PHLPP2: variants seen among roughly 807,000 people sequenced by gnomAD.
PHLPP2 encodes PH domain and leucine rich repeat protein phosphatase 2.
PHLPP2 carries 66 observed loss-of-function variants against 124.9 expected under a neutral mutation model. The observed-to-expected ratio is 0.53, with a 90% CI of 0.43 to 0.65. PHLPP2 has a LOEUF of 0.65. Among genes scored for constraint, PHLPP2 ranks in the 30% least tolerant of loss-of-function variants. The pLI is 0.00. For synonymous variants in PHLPP2, 681 were observed against 624.7 expected, an observed-to-expected ratio of 1.09 and a Z score of -1.34; for missense variants, 1,685 against 1,600.4, an observed-to-expected ratio of 1.05 and a Z score of -0.90.
At chr16:71,672,179 C>G (rs1207510972) in intron 10 of PHLPP2, 83 bp downstream of exon 10, 21 of 920,284 alleles carry the variant, frequency 2.3e-5, no homozygotes, top group Non-Finnish European at 3.5e-5. Flanking sequence ...ACTTAGATTT[C>G]TTGTACATCA....
intron 7 of PHLPP2, 86 bp downstream of exon 7, chr16:71,679,303 G>C: frequency 8.4e-7 from 1 of 1,193,040 alleles, no homozygotes; most frequent in Non-Finnish European, 1.2e-6. Context: ...TTCACTGCAA[G>C]AGTTCAAGAT....
chr16:71,707,682 G>C (rs1450418995), intron 2 of PHLPP2, among the ~76,000 whole-genome samples: 1 of 152,216 alleles, frequency 6.6e-6, no homozygotes, highest in Non-Finnish European at 1.5e-5. Flanking sequence ...TCCACTGGGA[G>C]AGGGTACAAA....
At chr16:71,713,030 A>T (rs111612998) in intron 2 of PHLPP2, among the ~76,000 whole-genome samples, 9 of 152,368 alleles carry the variant, frequency 5.9e-5, no homozygotes, top group African/African-American at 2.2e-4. Context: ...CATGCATAGT[A>T]TAAGACTATT....
intron 11 of PHLPP2, among the ~76,000 whole-genome samples, chr16:71,668,183 G>C (rs974781936): frequency 1.3e-5 from 2 of 151,626 alleles, no homozygotes; most frequent in Non-Finnish European, 2.9e-5. Flanking sequence ...AGGCAGAGGC[G>C]GGCAGATCAC....
intron 1 of PHLPP2, among the ~76,000 whole-genome samples, chr16:71,722,746 C>G (rs565740586): frequency 6.6e-5 from 10 of 152,160 alleles, no homozygotes; most frequent in Non-Finnish European, 1.5e-4. Flanking sequence ...TCATGTAGAA[C>G]TCTAGAAGGA....
intron 18 of PHLPP2, among the ~76,000 whole-genome samples, chr16:71,650,647 T>C (rs900499895): frequency 6.6e-6 from 1 of 152,180 alleles, no homozygotes; most frequent in African/African-American, 2.4e-5. Context: ...GGAAACAGAG[T>C]AACCCTGCTT....
At chr16:71,684,122 ACT>A (rs1176927619) in intron 5 of PHLPP2, among the ~76,000 whole-genome samples, 4 of 114,066 alleles carry the variant, frequency 3.5e-5, no homozygotes, top group Non-Finnish European at 7.2e-5. Context: ...CTCTTGAGGT[ACT>A]CTTTTTTTTT....
intron 1 of PHLPP2, among the ~76,000 whole-genome samples, chr16:71,718,147 C>T (rs918168694): frequency 1.3e-5 from 2 of 152,118 alleles, no homozygotes; most frequent in African/African-American, 4.8e-5. Flanking sequence ...CCTGCTTGGG[C>T]CTTCCAAAGT....
intron 2 of PHLPP2, among the ~76,000 whole-genome samples, chr16:71,709,734 T>C (rs1260382861): frequency 1.3e-5 from 2 of 152,208 alleles, no homozygotes; most frequent in Non-Finnish European, 2.9e-5. Context: ...TCTGAGTCTG[T>C]TTTCACTGAG....
At chr16:71,663,857 A>C in intron 13 of PHLPP2, 42 bp downstream of exon 13, 2 of 1,400,294 alleles carry the variant, frequency 1.4e-6, no homozygotes, top group Non-Finnish European at 2.0e-6. Flanking sequence ...TATAGAATTA[A>C]TGTTGTGTAT....
chr16:71,681,685 A>C, intron 6 of PHLPP2, 66 bp downstream of exon 6: 2 of 1,229,724 alleles, frequency 1.6e-6, no homozygotes, highest in Non-Finnish European at 2.2e-6. Flanking sequence ...TAGCAGGTAG[A>C]AGCCATAAGA....
At chr16:71,699,384 C>T (rs1045505335) in intron 3 of PHLPP2, among the ~76,000 whole-genome samples, 1 of 152,102 alleles carries the variant, frequency 6.6e-6, no homozygotes, top group Non-Finnish European at 1.5e-5. Flanking sequence ...CCCATGAAGA[C>T]CCCAGACTCA....
chr16:71,647,813 C>G lies in PHLPP2; in HGVS notation c.*1077G>C, dbSNP rs77559569. Reference sequence around the variant, plus strand: ...CCATTTTCATCCCCAAAAGAAGATCCTATTACCCCAAGTTTCTCAGGAGCT... The same window carrying G: ...CCATTTTCATCCCCAAAAGAAGATCGTATTACCCCAAGTTTCTCAGGAGCT... On this transcript the variant is annotated 3_prime_UTR_variant, in exon 19 of 19. Coordinates refer to ENST00000568954, the MANE Select transcript of PHLPP2 (RefSeq NM_015020.3). The G allele has an allele frequency of 1.3e-5, 2 of 152,338 alleles. No homozygotes were observed. Among genetic ancestry groups the G allele is most frequent in the East Asian group, 3.8e-4 (2 of 5,200 alleles). The allele number at this position is 152,338 out of a possible 1,614,324, so 9.4% of individuals were successfully genotyped here.
intron 13 of PHLPP2, among the ~76,000 whole-genome samples, chr16:71,663,340 C>G (rs890233588): frequency 6.6e-6 from 1 of 152,154 alleles, no homozygotes; most frequent in Non-Finnish European, 1.5e-5. Context: ...CTCGAACTCA[C>G]GAACTTGTGA....
At chr16:71,672,030 A>T (rs1293135770) in intron 10 of PHLPP2, among the ~76,000 whole-genome samples, 1 of 152,206 alleles carries the variant, frequency 6.6e-6, no homozygotes, top group Admixed American at 6.5e-5. Flanking sequence ...CTCATCCTAC[A>T]TCTATAGTCT....
Position 71,714,592 on chromosome 16 carries a change from A to G in PHLPP2, c.204T>C (p.Thr68=), listed in dbSNP as rs746918001. The G allele has an allele frequency of 3.7e-6, 6 of 1,614,180 alleles. No individual in the cohort carries two copies. The highest frequency in any genetic ancestry group is 3.3e-5 in the South Asian group (3 of 91,080). ...SSSDLHLVLC[T]VETPASEICA... ...ATATTTCTGATGCTGGTGTCTCTAC[A>G]GTGCAAAGGACGAGATGTAAGTCAG... Residue 68 remains threonine, a synonymous_variant, in exon 2 of 19, where the codon ACT becomes ACC. Transcript: ENST00000568954.
At chr16:71,690,363 G>C (rs2045097991) in intron 4 of PHLPP2, among the ~76,000 whole-genome samples, 156 bp downstream of exon 4, 1 of 152,202 alleles carries the variant, frequency 6.6e-6, no homozygotes, top group Non-Finnish European at 1.5e-5. Flanking sequence ...GGGCATAATA[G>C]CCTCTGAACC....
At chr16:71,692,230 C>A (rs181445964) in intron 3 of PHLPP2, among the ~76,000 whole-genome samples, 12 of 152,086 alleles carry the variant, frequency 7.9e-5, no homozygotes, top group South Asian at 2.1e-4. Flanking sequence ...CCAACACGCC[C>A]GGCTAATATT....
At chr16:71,720,065 G>A (rs909742882) in intron 1 of PHLPP2, among the ~76,000 whole-genome samples, 5 of 149,784 alleles carry the variant, frequency 3.3e-5, no homozygotes, top group South Asian at 4.2e-4. Context: ...GCCCCCCGGG[G>A]TTCATGCCAT....
Sources: gnomAD v4.1 joint callset for allele counts (sites outside exome capture counted in the v4.1 genomes callset) on GRCh38, gnomAD v4.1.1 for gene constraint, MANE v1.5 for transcripts, NCBI Gene and HGNC (gene_info 2026-07-23, HGNC 2026-07-21) for gene names.